The following ZFAND3 variants were observed in gnomAD, a reference collection of about 807,000 sequenced individuals.
The protein encoded by ZFAND3 is zinc finger AN1-type containing 3.
In ZFAND3, 10 loss-of-function variants were observed where a neutral mutation model predicts 29.6. The observed-to-expected ratio is 0.34, with a 90% CI of 0.21 to 0.57. The LOEUF is 0.57. ZFAND3 is among the 20% of genes least tolerant of loss of function. ZFAND3 has a pLI of 0.86. For synonymous variants in ZFAND3, 128 were observed against 112.6 expected, an observed-to-expected ratio of 1.14 and a Z score of -0.87; for missense variants, 230 against 304.5, an observed-to-expected ratio of 0.76 and a Z score of 1.82.
At position 38,041,490 on chromosome 6, in the gene ZFAND3, A is replaced by G. The variant is rs370632200; in HGVS notation, c.113-20103A>G. 9.2e-5 allele frequency among the ~76,000 whole-genome samples: 14 copies of G among 151,362 alleles called. 1 individual carries two copies. The highest frequency in any genetic ancestry group is 4.6e-4 in the Admixed American group (7 of 15,206). ...TATCATTATAAACCCATGGATTTCT[A>G]TTTTATTTAGTAAGCTATCCATTAC... On this transcript the variant is annotated intron_variant, in intron 2 of 5. Coordinates refer to ENST00000287218, the MANE Select transcript of ZFAND3 (RefSeq NM_021943.3).
intron 2 of ZFAND3, among the ~76,000 whole-genome samples, chr6:37,956,520 A>G (rs761930861): frequency 6.6e-6 from 1 of 151,248 alleles, no homozygotes; most frequent in Non-Finnish European, 1.5e-5. Context: ...TAGAAAGGGG[A>G]TATTTTAGGA....
intron 4 of ZFAND3, among the ~76,000 whole-genome samples, chr6:38,085,362 A>G (rs1032467626): frequency 6.6e-6 from 1 of 152,144 alleles, no homozygotes; most frequent in African/African-American, 2.4e-5. Flanking sequence ...CATCCAATCT[A>G]TCCATACAAG....
At chr6:38,014,673 A>G (rs1763223510) in intron 2 of ZFAND3, among the ~76,000 whole-genome samples, 3 of 152,186 alleles carry the variant, frequency 2.0e-5, no homozygotes, top group South Asian at 4.1e-4. Flanking sequence ...TGCACAGAGT[A>G]TATCTGGCTT....
At chr6:38,005,049 GAGAT>G (rs775895684) in intron 2 of ZFAND3, among the ~76,000 whole-genome samples, 7 of 152,196 alleles carry the variant, frequency 4.6e-5, no homozygotes, top group Non-Finnish European at 1.0e-4. Flanking sequence ...GTAACAAGAA[GAGAT>G]AGATCTTCTT....
At chr6:38,073,135 C>T (rs1425478583) in intron 3 of ZFAND3, among the ~76,000 whole-genome samples, 7 of 152,106 alleles carry the variant, frequency 4.6e-5, no homozygotes, top group Non-Finnish European at 8.8e-5. Context: ...GAGAAGGGCA[C>T]CGGTGTTCCA....
intron 2 of ZFAND3, among the ~76,000 whole-genome samples, chr6:38,000,407 G>C (rs1457428473): frequency 6.6e-6 from 1 of 152,166 alleles, no homozygotes; most frequent in African/African-American, 2.4e-5. Flanking sequence ...ACCCAAGACA[G>C]GGTAATTTAT....
At chr6:37,955,416 G>A (rs1479348079) in intron 2 of ZFAND3, among the ~76,000 whole-genome samples, 1 of 152,134 alleles carries the variant, frequency 6.6e-6, no homozygotes, top group Admixed American at 6.5e-5. Context: ...ACTTTCCGCT[G>A]TCCTGTCAGT....
intron 2 of ZFAND3, among the ~76,000 whole-genome samples, chr6:38,015,147 ATTAT>A (rs1763232195): frequency 6.6e-6 from 1 of 152,142 alleles, no homozygotes; most frequent in South Asian, 2.1e-4. Context: ...AATCTTTTAT[ATTAT>A]AACTCTGCCC....
chr6:37,830,096 G>A (rs1172032285), intron 1 of ZFAND3, among the ~76,000 whole-genome samples: 2 of 152,168 alleles, frequency 1.3e-5, no homozygotes, highest in African/African-American at 2.4e-5. Flanking sequence ...TTTTTACATT[G>A]TGTGTGTTTT....
chr6:37,886,487 A>C (rs1322990403), intron 1 of ZFAND3, among the ~76,000 whole-genome samples: 2 of 152,110 alleles, frequency 1.3e-5, no homozygotes, highest in Non-Finnish European at 2.9e-5. Flanking sequence ...CTGAATCCTA[A>C]AATAGTACAA....
chr6:37,960,486 C>T (rs1359472240), intron 2 of ZFAND3, among the ~76,000 whole-genome samples: 2 of 152,186 alleles, frequency 1.3e-5, no homozygotes, highest in Non-Finnish European at 2.9e-5. Flanking sequence ...CTGAGCCTGG[C>T]AACTTAATTC....
At chr6:38,113,619 AGTGG>A (rs1765361306) in intron 4 of ZFAND3, among the ~76,000 whole-genome samples, 1 of 152,152 alleles carries the variant, frequency 6.6e-6, no homozygotes, top group Admixed American at 6.5e-5. Flanking sequence ...GTCCCATCAA[AGTGG>A]GTTGTTTGGT....
chr6:37,915,377 G>A (rs1328045296), intron 1 of ZFAND3, among the ~76,000 whole-genome samples: 3 of 152,150 alleles, frequency 2.0e-5, no homozygotes, highest in African/African-American at 7.2e-5. Context: ...TCACAACCTG[G>A]CTAACTGGCA....
chr6:37,908,564 A>G (rs988299310), intron 1 of ZFAND3, among the ~76,000 whole-genome samples: 17 of 149,378 alleles, frequency 1.1e-4, no homozygotes, highest in Non-Finnish European at 2.4e-4. Flanking sequence ...AAAAAAGAAA[A>G]AAAAGAAAAT....
At chr6:37,947,359 ATTAT>A (rs1262498336) in intron 2 of ZFAND3, among the ~76,000 whole-genome samples, 2 of 152,190 alleles carry the variant, frequency 1.3e-5, no homozygotes, top group African/African-American at 4.8e-5. Flanking sequence ...CATAATTTAT[ATTAT>A]TTATATGATT....
At chr6:38,147,755 A>G (rs186953187) in intron 5 of ZFAND3, among the ~76,000 whole-genome samples, 18 of 152,182 alleles carry the variant, frequency 1.2e-4, no homozygotes, top group Admixed American at 2.6e-4. Flanking sequence ...TTATTCACCT[A>G]TTGACTGTAC....
At chr6:37,962,642 C>T (rs1002072219) in intron 2 of ZFAND3, among the ~76,000 whole-genome samples, 4 of 152,058 alleles carry the variant, frequency 2.6e-5, no homozygotes, top group African/African-American at 9.7e-5. Context: ...AATCAGCGCT[C>T]TGTGTCTAGC....
At chr6:38,132,873 C>T (rs1343177562) in intron 5 of ZFAND3, among the ~76,000 whole-genome samples, 1 of 152,222 alleles carries the variant, frequency 6.6e-6, no homozygotes, top group Non-Finnish European at 1.5e-5. Flanking sequence ...TCACTCTGCC[C>T]TCCGGAGCAG....
intron 4 of ZFAND3, among the ~76,000 whole-genome samples, chr6:38,100,020 C>T (rs1441561499): frequency 6.6e-6 from 1 of 152,056 alleles, no homozygotes; most frequent in African/African-American, 2.4e-5. Context: ...GATTCAGCTC[C>T]ACTTTTTCCT....
Sources: allele counts gnomAD v4.1 joint callset (sites outside exome capture counted in the v4.1 genomes callset), GRCh38; gene constraint gnomAD v4.1.1; transcripts MANE v1.5; gene names NCBI Gene and HGNC (gene_info 2026-07-23, HGNC 2026-07-21).